Variants in CEP170 observed in about 807,000 individuals in gnomAD.
CEP170 encodes the protein centrosomal protein of 170 kDa.
A neutral mutation model predicts 151.9 loss-of-function variants in CEP170; 21 were observed. The observed-to-expected ratio is 0.14, with a 90% CI of 0.10 to 0.20. The LOEUF is 0.20. Among genes scored for constraint, CEP170 ranks in the 10% least tolerant of loss-of-function variants. The probability of loss-of-function intolerance (pLI) is 1.00; values close to 1 mark genes in which losing one functional copy is unlikely to be tolerated. For missense variants in CEP170, 964 were observed against 1,892.9 expected, an observed-to-expected ratio of 0.51 and a Z score of 9.11; for synonymous variants, 356 against 648.8, an observed-to-expected ratio of 0.55 and a Z score of 6.86.
intron 1 of CEP170, among the ~76,000 whole-genome samples, chr1:243,237,504 A>G (rs929679245): frequency 3.9e-5 from 6 of 152,240 alleles, no homozygotes; most frequent in African/African-American, 1.4e-4. Context: ...TACTTATAGT[A>G]TATAAACATG....
At chr1:243,129,559 A>G in intron 17 of CEP170, 106 bp from the exon 18 acceptor site, 4 of 925,330 alleles carry the variant, frequency 4.3e-6, no homozygotes, top group Non-Finnish European at 6.0e-6. Context: ...TACACAAAGA[A>G]AAAAAACCAA....
chr1:243,244,503 G>A (rs369402714), intron 1 of CEP170, among the ~76,000 whole-genome samples: 1 of 152,198 alleles, frequency 6.6e-6, no homozygotes, highest in Non-Finnish European at 1.5e-5. Flanking sequence ...AGCACTTTGG[G>A]AGTCTCAGGC....
chr1:243,176,873 A>C, intron 10 of CEP170: 1 of 399,858 alleles, frequency 2.5e-6, no homozygotes, highest in South Asian at 1.8e-5. Flanking sequence ...ATAAGAACCA[A>C]ACGATATTTT....
At chr1:243,149,480 G>A (rs1254698809) in intron 14 of CEP170, among the ~76,000 whole-genome samples, 1 of 151,986 alleles carries the variant, frequency 6.6e-6, no homozygotes, top group South Asian at 2.1e-4. Context: ...TGAACCTGTG[G>A]GCAGGTGGTT....
At chr1:243,230,903 G>T (rs1008998688) in intron 1 of CEP170, among the ~76,000 whole-genome samples, 1 of 151,954 alleles carries the variant, frequency 6.6e-6, no homozygotes, top group East Asian at 1.9e-4. Context: ...TAAACTACCA[G>T]CAGATAAACT....
intron 10 of CEP170, 73 bp from the exon 11 acceptor site, chr1:243,172,919 T>A: frequency 1.5e-6 from 2 of 1,363,922 alleles, no homozygotes; most frequent in Non-Finnish European, 1.9e-6. Context: ...ATAGTATAAT[T>A]AACTTCAGAG....
chr1:243,201,612 C>T (rs1280871941), intron 4 of CEP170, among the ~76,000 whole-genome samples: 2 of 152,018 alleles, frequency 1.3e-5, no homozygotes, highest in African/African-American at 2.4e-5. Context: ...CTCATGACTT[C>T]GAGGGTAGAA....
rs1003499254 is a variant in CEP170 at position 243,249,346 on chromosome 1, G to A, written c.-42+5694C>T. On this transcript the variant is annotated intron_variant, in intron 1 of 19. Transcript: ENST00000366542. ...GGTGGGAGTATTGCTTAAGCCCAGC[G>A]GGTCAAGGCTGCAATGAGCTGGGAT... 1.2e-4 allele frequency among the ~76,000 whole-genome samples: 18 copies of A among 151,764 alleles called. 1 individual carries two copies. The highest frequency in any genetic ancestry group is 6.6e-5 in the Admixed American group (1 of 15,206).
chr1:243,245,155 T>G (rs2065249852), intron 1 of CEP170, among the ~76,000 whole-genome samples: 1 of 152,130 alleles, frequency 6.6e-6, no homozygotes, highest in Admixed American at 6.6e-5. Context: ...AATGTATGTG[T>G]GCAAAAGGCA....
At chr1:243,144,770 T>C (rs1026964013) in intron 14 of CEP170, among the ~76,000 whole-genome samples, 3 of 152,202 alleles carry the variant, frequency 2.0e-5, no homozygotes, top group South Asian at 2.1e-4. Flanking sequence ...TATTGTTGAT[T>C]TGAAAACCTA....
At chr1:243,254,322 C>G (rs916077472) in intron 1 of CEP170, 1 of 152,118 alleles carries the variant, frequency 6.6e-6, no homozygotes, top group Non-Finnish European at 1.5e-5. Flanking sequence ...ATTTTTTCAT[C>G]GCTTGCATAA....
At chr1:243,163,026 T>C (rs1362271298) in intron 13 of CEP170, 1 of 152,160 alleles carries the variant, frequency 6.6e-6, no homozygotes, top group Non-Finnish European at 1.5e-5. Context: ...TCACCCTACG[T>C]CCATTTCTAC....
chr1:243,153,655 G>T (rs1010195093), intron 14 of CEP170, among the ~76,000 whole-genome samples: 10 of 152,062 alleles, frequency 6.6e-5, no homozygotes, highest in East Asian at 1.9e-4. Flanking sequence ...ACTTGTTTAG[G>T]TATATACTTT....
rs2058965331 is a variant in CEP170 at position 243,172,989 on chromosome 1, T to C, written c.1567-143A>G. 3.9e-6 allele frequency: 4 copies of C among 1,026,064 alleles called. No homozygotes were observed. The South Asian group carries it at 6.9e-5, about 18-fold the overall frequency. 63.6% of individuals were successfully genotyped at this position (1,026,064 alleles called of 1,614,324 possible). A position where few individuals can be genotyped will look rare whatever the true frequency, so the allele number is the denominator to read the frequency against. On this transcript the variant is annotated intron_variant, in intron 10 of 19. Coordinates refer to ENST00000366542, the MANE Select transcript of CEP170 (RefSeq NM_014812.3). Reference sequence around the variant, plus strand: ...TAATTTCAAAACTAAGGAAAACTTCTTGAATGACAGTAACAGCTAATTGTG... The same window carrying C: ...TAATTTCAAAACTAAGGAAAACTTCCTGAATGACAGTAACAGCTAATTGTG...
chr1:243,245,764 A>AC (rs1434306051), intron 1 of CEP170, among the ~76,000 whole-genome samples: 1 of 151,866 alleles, frequency 6.6e-6, no homozygotes, highest in African/African-American at 2.4e-5. Flanking sequence ...ACAAAACAAA[A>AC]AAAACACAAA....
chr1:243,251,692 C>A (rs543273947), intron 1 of CEP170, among the ~76,000 whole-genome samples: 28 of 152,244 alleles, frequency 1.8e-4, no homozygotes, highest in African/African-American at 6.7e-4. Context: ...GACTTGTTCT[C>A]TGCTATGTGT....
At chr1:243,222,895 TA>T (rs2062940915) in intron 2 of CEP170, among the ~76,000 whole-genome samples, 1 of 152,116 alleles carries the variant, frequency 6.6e-6, no homozygotes, top group Admixed American at 6.5e-5. Flanking sequence ...TAGGACAACT[TA>T]AAGGTGAAGT....
chr1:243,166,813 T>C (rs891576827), intron 12 of CEP170, among the ~76,000 whole-genome samples: 39 of 152,244 alleles, frequency 2.6e-4, no homozygotes, highest in African/African-American at 7.7e-4. Flanking sequence ...GATATATGTA[T>C]ACCATTATGG....
intron 4 of CEP170, 67 bp from the exon 5 acceptor site, chr1:243,200,902 T>G: frequency 6.5e-7 from 1 of 1,542,942 alleles, no homozygotes; most frequent in South Asian, 1.2e-5. Flanking sequence ...CGTCATCAAA[T>G]GTAATTTAGA....
Sources: gnomAD v4.1 joint callset for allele counts (sites outside exome capture counted in the v4.1 genomes callset) on GRCh38, gnomAD v4.1.1 for gene constraint, MANE v1.5 for transcripts, NCBI Gene and HGNC (gene_info 2026-07-23, HGNC 2026-07-21) for gene names.